Variants in IGSF21 observed in about 807,000 individuals in gnomAD.
The protein encoded by IGSF21 is immunoglobulin superfamily member 21.
IGSF21 carries 28 observed loss-of-function variants against 46.8 expected under a neutral mutation model. That is an observed-to-expected ratio of 0.60 (90% CI 0.44 to 0.82). The LOEUF (loss-of-function observed/expected upper bound fraction) is 0.82. Among genes scored for constraint, IGSF21 ranks in the 40% least tolerant of loss-of-function variants. IGSF21 has a pLI of 0.00. For synonymous variants in IGSF21, 284 were observed against 273.6 expected (o/e 1.04, Z -0.38); for missense variants, 624 against 665.5 (o/e 0.94, Z 0.69).
chr1:18,193,653 A>G lies in IGSF21; in HGVS notation c.71-34245A>G, dbSNP rs574275295. 8.5e-4 allele frequency among the ~76,000 whole-genome samples: 129 copies of G among 152,186 alleles called. 1 individual carries two copies. The highest frequency in any genetic ancestry group is 2.8e-3 in the Admixed American group (43 of 15,296). On this transcript the variant is annotated intron_variant, in intron 1 of 9. Transcript: ENST00000251296. ...AGCTGATTAGATGGTGCCCATCCAG[A>G]TTAAGGGTGGGTCTGCCTTCCCCAG... is the stretch of plus-strand genomic sequence containing the variant.
At chr1:18,314,632 C>T (rs1047687997) in intron 3 of IGSF21, among the ~76,000 whole-genome samples, 1 of 152,238 alleles carries the variant, frequency 6.6e-6, no homozygotes, top group African/African-American at 2.4e-5. Context: ...AAGTGACTTG[C>T]CTGAGACCAC....
At chr1:18,343,091 G>A (rs760433699) in intron 4 of IGSF21, among the ~76,000 whole-genome samples, 1 of 152,100 alleles carries the variant, frequency 6.6e-6, no homozygotes, top group African/African-American at 2.4e-5. Flanking sequence ...CATCTTTGTC[G>A]ACACTTGTTA....
chr1:18,176,624 G>A (rs1377228851), intron 1 of IGSF21, among the ~76,000 whole-genome samples: 3 of 151,990 alleles, frequency 2.0e-5, no homozygotes, highest in African/African-American at 4.8e-5. Context: ...TCACTAACTG[G>A]TATTTAAGAG....
intron 2 of IGSF21, among the ~76,000 whole-genome samples, chr1:18,289,702 T>G (rs1333894222): frequency 6.6e-6 from 1 of 152,126 alleles, no homozygotes; most frequent in African/African-American, 2.4e-5. Context: ...AGTGGAATGG[T>G]CAGCAGCTTC....
At chr1:18,225,085 T>TCTCTCACACACACACACA in intron 1 of IGSF21, among the ~76,000 whole-genome samples, 1 of 51,580 alleles carries the variant, frequency 1.9e-5, no homozygotes, top group African/African-American at 7.1e-5. Flanking sequence ...TCTCTCTCTC[T>TCTCTCACACACACACACA]CACACACACA....
Position 18,219,155 on chromosome 1 carries a change from G to A in IGSF21, c.71-8743G>A, listed in dbSNP as rs528490864. ...TAAGTATATGTAGGCAGTGATAAAC[G>A]TCTAAGAAGGAGTAAAGCAGGGTAA... On this transcript the variant is annotated intron_variant, in intron 1 of 9. Coordinates refer to ENST00000251296, the MANE Select transcript of IGSF21 (RefSeq NM_032880.5). Among the ~76,000 whole-genome samples the A allele has an allele frequency of 1.1e-4, 16 of 152,314 alleles. No individual in the cohort carries two copies. In the East Asian group the frequency reaches 1.7e-3, roughly 17 times the overall value.
At chr1:18,121,971 G>A (rs2086237690) in intron 1 of IGSF21, among the ~76,000 whole-genome samples, 2 of 152,130 alleles carry the variant, frequency 1.3e-5, no homozygotes, top group Admixed American at 1.3e-4. Flanking sequence ...GTCTCCTTGA[G>A]CCAGGTCCTG....
intron 6 of IGSF21, 96 bp from the exon 7 acceptor site, chr1:18,376,214 C>T (rs867374269): frequency 2.3e-6 from 2 of 851,476 alleles, no homozygotes; most frequent in East Asian, 4.9e-5. Flanking sequence ...AGCAGCTGAT[C>T]CCAAGGATGT....
chr1:18,310,417 C>T (rs556881571), intron 3 of IGSF21, among the ~76,000 whole-genome samples: 13 of 152,274 alleles, frequency 8.5e-5, no homozygotes, highest in African/African-American at 2.6e-4. Flanking sequence ...TGTGGTTGCT[C>T]GTAGCAGTGG....
At chr1:18,228,079 G>A in intron 2 of IGSF21, 69 bp downstream of exon 2, 2 of 1,220,634 alleles carry the variant, frequency 1.6e-6, no homozygotes, top group Non-Finnish European at 2.4e-6. Context: ...GAGCCCTCTG[G>A]ACACCCTCAC....
rs199508005 is a variant in IGSF21 at position 18,208,395 on chromosome 1, A to T, written c.71-19503A>T. On this transcript the variant is annotated intron_variant, in intron 1 of 9. Transcript: ENST00000251296. Reference sequence around the variant, plus strand: ...AGGAATAATATATATATATATATATATTTTTTGAGACGGAGTCTTGCTGTC... The same window carrying T: ...AGGAATAATATATATATATATATATTTTTTTTGAGACGGAGTCTTGCTGTC... Among the ~76,000 whole-genome samples, 461 of 123,770 alleles carry T rather than the reference A, an allele frequency of 3.7e-3. 28 individuals are homozygous for T. The highest frequency in any genetic ancestry group is 0.011 in the African/African-American group (404 of 35,426). The allele number at this position is 123,770 out of a possible 152,430, so 81.2% of individuals were successfully genotyped here. A position where few individuals can be genotyped will look rare whatever the true frequency, so the allele number is the denominator to read the frequency against.
chr1:18,300,140 C>T (rs2085347457), intron 3 of IGSF21, among the ~76,000 whole-genome samples: 2 of 152,208 alleles, frequency 1.3e-5, no homozygotes, highest in African/African-American at 2.4e-5. Context: ...CAGGCCAGCT[C>T]ACTGACTGCC....
At chr1:18,294,788 C>T (rs1358079590) in intron 3 of IGSF21, among the ~76,000 whole-genome samples, 1 of 152,230 alleles carries the variant, frequency 6.6e-6, no homozygotes. Context: ...AGGAGCAGAC[C>T]CTCTGGAGCC....
Position 18,362,149 on chromosome 1 carries a change from C to T in IGSF21, c.459C>T (p.Asp153=). 6.2e-7 allele frequency: 1 copy of T among 1,611,978 alleles called. No homozygotes were observed. Among genetic ancestry groups the T allele is most frequent in the South Asian group, 1.1e-5 (1 of 90,442 alleles). ...PPTSIEVVAA[D]TPAPFSRYQA... is the part of the protein sequence containing the mutation. The stretch of plus-strand genomic sequence containing the variant: ...CCTCCATTGAAGTGGTGGCTGCTGA[C>T]ACACCAGCCCCCTTCAGCCGCTACC... Residue 153 remains aspartate, a synonymous_variant, in exon 5 of 10, where the codon GAC becomes GAT. Coordinates refer to ENST00000251296, the MANE Select transcript of IGSF21 (RefSeq NM_032880.5).
intron 1 of IGSF21, among the ~76,000 whole-genome samples, chr1:18,217,201 C>T (rs1159749288): frequency 1.3e-5 from 2 of 152,198 alleles, no homozygotes; most frequent in Non-Finnish European, 2.9e-5. Flanking sequence ...TCCTTGAATT[C>T]TTGTCACCAC....
chr1:18,253,575 T>C (rs761044701), intron 2 of IGSF21, among the ~76,000 whole-genome samples: 2 of 152,240 alleles, frequency 1.3e-5, no homozygotes, highest in Non-Finnish European at 2.9e-5. Context: ...AACCTTTTAA[T>C]GCTTGGCAGG....
chr1:18,211,813 A>T (rs1440664865), intron 1 of IGSF21, among the ~76,000 whole-genome samples: 1 of 152,210 alleles, frequency 6.6e-6, no homozygotes, highest in Non-Finnish European at 1.5e-5. Flanking sequence ...TGAGTCAGAG[A>T]TGCCTCCCTG....
chr1:18,329,773 C>T (rs1172902688), intron 3 of IGSF21, among the ~76,000 whole-genome samples: 1 of 152,208 alleles, frequency 6.6e-6, no homozygotes, highest in Non-Finnish European at 1.5e-5. Context: ...CAATCCAAGC[C>T]TCAGTTTAGG....
chr1:18,352,273 AT>A (rs1201647807), intron 4 of IGSF21, among the ~76,000 whole-genome samples: 1 of 152,144 alleles, frequency 6.6e-6, no homozygotes, highest in African/African-American at 2.4e-5. Flanking sequence ...AGTTCACATA[AT>A]TTAGTGGTTC....
Sources: allele counts gnomAD v4.1 joint callset (sites outside exome capture counted in the v4.1 genomes callset), GRCh38; gene constraint gnomAD v4.1.1; transcripts MANE v1.5; gene names NCBI Gene and HGNC (gene_info 2026-07-23, HGNC 2026-07-21).